DHRS3: variants seen among roughly 807,000 people sequenced by gnomAD.
The protein encoded by DHRS3 is dehydrogenase/reductase 3.
DHRS3 carries 14 observed loss-of-function variants against 27.2 expected under a neutral mutation model. The observed-to-expected ratio is 0.52, with a 90% CI of 0.34 to 0.81. DHRS3 has a LOEUF of 0.81. Among genes scored for constraint, DHRS3 ranks in the 30% least tolerant of loss-of-function variants. DHRS3 has a pLI of 0.01. For synonymous variants in DHRS3, 165 were observed against 175.9 expected, an observed-to-expected ratio of 0.94 and a Z score of 0.49; for missense variants, 322 against 406.2, an observed-to-expected ratio of 0.79 and a Z score of 1.78.
Position 12,580,650 on chromosome 1 carries a change from C to G in DHRS3, c.212G>C (p.Arg71Pro), listed in dbSNP as rs188843029. 6.2e-7 allele frequency: 1 copy of G among 1,613,558 alleles called. No individual in the cohort carries two copies. The highest frequency in any genetic ancestry group is 1.7e-5 in the Admixed American group (1 of 59,982). Residue 71 changes from arginine (R) to proline (P), a missense_variant, in exon 2 of 6, where the codon CGG becomes CCG. Arg to Pro is a moderately radical substitution (Grantham distance 103). Coordinates refer to ENST00000616661, the MANE Select transcript of DHRS3 (RefSeq NM_004753.7). Reference sequence around the variant, plus strand: ...CGTCTCCTTCAGGCATTTCTCAGTCCGGCCCCAGAGAACAATCTGGAAGAA... The same window carrying G: ...CGTCTCCTTCAGGCATTTCTCAGTCGGGCCCCAGAGAACAATCTGGAAGAA... ...RGARKIVLWG[R>P]TEKCLKETTE... is the part of the protein sequence containing the mutation.
At chr1:12,580,085 C>T (rs966584515) in intron 2 of DHRS3, 18 of 277,288 alleles carry the variant, frequency 6.5e-5, no homozygotes, top group African/African-American at 1.7e-4. Context: ...TGGCACACAC[C>T]GTACCTGGCA....
chr1:12,575,183 C>T (rs983328835), intron 4 of DHRS3, among the ~76,000 whole-genome samples: 9 of 152,056 alleles, frequency 5.9e-5, no homozygotes, highest in Admixed American at 2.0e-4. Flanking sequence ...AAAAATTAGC[C>T]GGGCATGGAG....
At chr1:12,569,176 C>T (rs974839819) in intron 5 of DHRS3, among the ~76,000 whole-genome samples, 4 of 146,814 alleles carry the variant, frequency 2.7e-5, no homozygotes, top group Admixed American at 1.4e-4. Flanking sequence ...GAGATCGCGC[C>T]GTTGCACTCC....
intron 1 of DHRS3, chr1:12,596,227 C>T (rs2100699432): frequency 6.6e-6 from 1 of 152,472 alleles, no homozygotes; most frequent in South Asian, 2.1e-4. Context: ...AGCGGCCTCG[C>T]TCCCCTCGAG....
rs770608148 is a variant in DHRS3, at chr1:12,617,388, G to A, written c.-40C>T. 5 of 1,579,138 alleles carry A rather than the reference G, an allele frequency of 3.2e-6. No individual in the cohort carries two copies. The highest frequency in any genetic ancestry group is 4.3e-6 in the Non-Finnish European group (5 of 1,157,804). ...AGCCGGGCAGGGGGCGAAACTCCCCGGGCCGAGCAATACAGGAATTAAAAA... is the reference window on the plus strand; with the variant it reads ...AGCCGGGCAGGGGGCGAAACTCCCCAGGCCGAGCAATACAGGAATTAAAAA... On this transcript the variant is annotated 5_prime_UTR_variant, in exon 1 of 6. Transcript: ENST00000616661.
At chr1:12,583,590 TATCC>T (rs111034356) in intron 1 of DHRS3, among the ~76,000 whole-genome samples, 31,291 of 94,490 alleles carry the variant, frequency 0.33, 4,804 homozygotes, top group Middle Eastern at 0.4. Flanking sequence ...CTCACCTACT[TATCC>T]ATCCATCCAT....
At chr1:12,602,308 G>A (rs1289112711) in intron 1 of DHRS3, among the ~76,000 whole-genome samples, 1 of 152,214 alleles carries the variant, frequency 6.6e-6, no homozygotes. Context: ...CCCTGCCTGG[G>A]AAGACAGGGG....
At chr1:12,575,340 A>C (rs1646576662) in intron 4 of DHRS3, among the ~76,000 whole-genome samples, 1 of 152,090 alleles carries the variant, frequency 6.6e-6, no homozygotes, top group African/African-American at 2.4e-5. Flanking sequence ...AGAAAAAAAA[A>C]AAAAGAGGCT....
chr1:12,597,920 G>A (rs1231180044), intron 1 of DHRS3, among the ~76,000 whole-genome samples: 1 of 152,136 alleles, frequency 6.6e-6, no homozygotes, highest in Non-Finnish European at 1.5e-5. Context: ...CACCCAGGAA[G>A]CCAGCCCCAG....
At chr1:12,598,427 A>G (rs1361708287) in intron 1 of DHRS3, among the ~76,000 whole-genome samples, 2 of 152,182 alleles carry the variant, frequency 1.3e-5, no homozygotes, top group Non-Finnish European at 2.9e-5. Flanking sequence ...CATAATTAGC[A>G]TTTATTTAGG....
At chr1:12,582,428 T>A (rs138180439) in intron 1 of DHRS3, among the ~76,000 whole-genome samples, 8 of 152,318 alleles carry the variant, frequency 5.3e-5, no homozygotes, top group South Asian at 4.1e-4. Flanking sequence ...GGTCTTGAAA[T>A]ACAGGAAGGG....
chr1:12,585,943 G>A (rs1054983440), intron 1 of DHRS3, among the ~76,000 whole-genome samples: 2 of 152,226 alleles, frequency 1.3e-5, no homozygotes, highest in African/African-American at 2.4e-5. Context: ...CAGAGGCCTG[G>A]AATTTACTCT....
At chr1:12,568,445 G>T in intron 5 of DHRS3, 21 bp from the exon 6 acceptor site, 21 of 1,610,786 alleles carry the variant, frequency 1.3e-5, no homozygotes, top group Non-Finnish European at 1.8e-5. Context: ...AGGAAGAAAA[G>T]AAGATAGCGA....
chr1:12,603,486 C>T (rs1646848748), intron 1 of DHRS3, among the ~76,000 whole-genome samples: 1 of 152,176 alleles, frequency 6.6e-6, no homozygotes, highest in Non-Finnish European at 1.5e-5. Context: ...GGAGGGGTCC[C>T]TCAGAACCCT....
Position 12,591,768 on chromosome 1 carries a change from T to C in DHRS3, c.196-11102A>G, listed in dbSNP as rs1646748898. The stretch of plus-strand genomic sequence containing the variant: ...TTATGCAATCTGTGCCCTTGGCCAC[T>C]GACTTTACCTGCGGGAGCAAAATGA... On this transcript the variant is annotated intron_variant, in intron 1 of 5. Coordinates refer to ENST00000616661, the MANE Select transcript of DHRS3 (RefSeq NM_004753.7). The surrounding 1 kb of genome is among the most constrained non-coding windows in gnomAD (Gnocchi z 4.1). 6.6e-6 allele frequency among the ~76,000 whole-genome samples: 1 copy of C among 152,250 alleles called. No homozygotes were observed. Among genetic ancestry groups the C allele is most frequent in the African/African-American group, 2.4e-5 (1 of 41,466 alleles).
intron 5 of DHRS3, among the ~76,000 whole-genome samples, chr1:12,571,540 T>C (rs1034594863): frequency 6.6e-6 from 1 of 150,708 alleles, no homozygotes; most frequent in Non-Finnish European, 1.5e-5. Context: ...TTTTTTTTTT[T>C]TTTTTTTGAG....
intron 1 of DHRS3, 124 bp downstream of exon 1, chr1:12,617,030 T>G: frequency 1.7e-6 from 2 of 1,180,880 alleles, no homozygotes; most frequent in Non-Finnish European, 2.3e-6. Flanking sequence ...CACTCGTGGG[T>G]GGCGCGGAGA....
At chr1:12,577,062 A>G (rs150327224) in intron 4 of DHRS3, among the ~76,000 whole-genome samples, 1 of 151,976 alleles carries the variant, frequency 6.6e-6, no homozygotes, top group African/African-American at 2.4e-5. Flanking sequence ...CATGCACTAC[A>G]CTAAATTGTC....
chr1:12,594,914 G>C lies in DHRS3; in HGVS notation c.196-14248C>G, dbSNP rs80168009. On this transcript the variant is annotated intron_variant, in intron 1 of 5. Coordinates refer to ENST00000616661, the MANE Select transcript of DHRS3 (RefSeq NM_004753.7). This position sits in a 1 kb window ranked among gnomAD's most constrained non-coding sequence, Gnocchi z 4.1. ...GTTGCAGAGCTGGGTGCTGGAGAAA[G>C]TGAGCTTCCCAGAGGACACCAGAGC... Among the ~76,000 whole-genome samples the C allele has an allele frequency of 2.7e-3, 411 of 152,302 alleles. 16 individuals are homozygous for C. In the East Asian group the frequency reaches 0.074, roughly 27 times the overall value.
Sources: allele counts gnomAD v4.1 joint callset (sites outside exome capture counted in the v4.1 genomes callset), GRCh38; gene constraint gnomAD v4.1.1; non-coding constraint Gnocchi (gnomAD v3.1); transcripts MANE v1.5; gene names NCBI Gene and HGNC (gene_info 2026-07-23, HGNC 2026-07-21).